Variants in ZNF430 observed in about 807,000 individuals in gnomAD.
ZNF430 encodes the protein zinc finger protein 430.
A neutral mutation model predicts 56.7 loss-of-function variants in ZNF430; 35 were observed. That is an observed-to-expected ratio of 0.62 (90% CI 0.47 to 0.82). ZNF430 has a LOEUF of 0.82. Among genes scored for constraint, ZNF430 ranks in the 40% least tolerant of loss-of-function variants. ZNF430 has a pLI of 0.00. For synonymous variants in ZNF430, 212 were observed against 224.3 expected (o/e 0.94, Z 0.49); for missense variants, 574 against 661.0 (o/e 0.87, Z 1.44).
intron 4 of ZNF430, chr19:21,035,660 T>C (rs1967986040): frequency 4.8e-6 from 1 of 206,380 alleles, no homozygotes; most frequent in Non-Finnish European, 1.0e-5. Context: ...TTTCAGTAGG[T>C]AAAGATCTTT....
intron 4 of ZNF430, among the ~76,000 whole-genome samples, chr19:21,052,108 T>C (rs535843558): frequency 6.6e-6 from 1 of 152,334 alleles, no homozygotes; most frequent in African/African-American, 2.4e-5. Flanking sequence ...AATATCTATA[T>C]AGTTATAAAT....
intron 4 of ZNF430, among the ~76,000 whole-genome samples, chr19:21,048,572 A>G (rs1275307515): frequency 6.6e-6 from 1 of 152,082 alleles, no homozygotes; most frequent in Non-Finnish European, 1.5e-5. Flanking sequence ...GGAGTCTCCT[A>G]TGTCTACTTC....
intron 2 of ZNF430, among the ~76,000 whole-genome samples, chr19:21,027,226 C>T (rs1316250642): frequency 6.6e-6 from 1 of 152,058 alleles, no homozygotes; most frequent in African/African-American, 2.4e-5. Flanking sequence ...TATCTTGTGC[C>T]AGTTTTCAAG....
At chr19:21,030,939 A>G (rs911868969) in intron 2 of ZNF430, among the ~76,000 whole-genome samples, 4 of 152,066 alleles carry the variant, frequency 2.6e-5, no homozygotes, top group Middle Eastern at 3.4e-3. Flanking sequence ...CTGGAGTGCA[A>G]TGGCATAATC....
chr19:21,022,367 A>G (rs1307548982), intron 1 of ZNF430, among the ~76,000 whole-genome samples: 3 of 152,178 alleles, frequency 2.0e-5, no homozygotes, highest in Admixed American at 2.0e-4. Context: ...CCAAATGCCA[A>G]CTTTTCCTAC....
intron 4 of ZNF430, among the ~76,000 whole-genome samples, chr19:21,054,659 A>T (rs1414437976): frequency 3.9e-4 from 44 of 113,764 alleles, no homozygotes; most frequent in Admixed American, 6.2e-4. Flanking sequence ...GAGCTTCTTC[A>T]TTTTTACGTC....
At position 21,036,933 on chromosome 19, in the gene ZNF430, A is replaced by G. The variant is rs532631170; in HGVS notation, c.322+2749A>G. ...ACTCAATACCCATTAAATAACAGCA[A>G]CCCATTTTACCCTCTTTCCAGCCCT... On this transcript the variant is annotated intron_variant, in intron 4 of 4. Coordinates refer to ENST00000261560, the MANE Select transcript of ZNF430 (RefSeq NM_025189.4). 8.6e-4 allele frequency: 131 copies of G among 152,134 alleles called. 1 individual carries two copies. Among genetic ancestry groups the G allele is most frequent in the Admixed American group, 8.5e-3 (130 of 15,262 alleles). The allele number at this position is 152,134 out of a possible 1,614,324, so 9.4% of individuals were successfully genotyped here. A position where few individuals can be genotyped will look rare whatever the true frequency, so the allele number is the denominator to read the frequency against.
chr19:21,046,399 T>C (rs1246663697), intron 4 of ZNF430, among the ~76,000 whole-genome samples: 6 of 152,176 alleles, frequency 3.9e-5, no homozygotes, highest in Admixed American at 3.9e-4. Flanking sequence ...TCTGGTTATT[T>C]TGAAGACTCT....
chr19:21,057,024 G>C lies in ZNF430; in HGVS notation c.716G>C (p.Gly239Ala). The C allele has an allele frequency of 6.2e-7, 1 of 1,614,032 alleles. No homozygotes were observed. The highest frequency in any genetic ancestry group is 8.5e-7 in the Non-Finnish European group (1 of 1,179,982). Residue 239 changes from glycine to alanine, a missense_variant, in exon 5 of 5, where the codon GGT (glycine) becomes GCT (alanine). Around this residue, in one of 3 missense-constraint regions of ZNF430, gnomAD observed 346 missense variants for 399.1 expected, o/e 0.87. Transcript: ENST00000261560. Reference sequence around the variant, plus strand: ...AATTCTTACCAATGTGAAGAATGTGGTAAAGTCTTTAACTGGTTCTCAACC... The same window carrying C: ...AATTCTTACCAATGTGAAGAATGTGCTAAAGTCTTTAACTGGTTCTCAACC... Reference protein sequence around the residue: ...RENSYQCEECGKVFNWFSTLT... With the variant: ...RENSYQCEECAKVFNWFSTLT...
At chr19:21,049,197 A>G (rs1444354888) in intron 4 of ZNF430, among the ~76,000 whole-genome samples, 1 of 148,216 alleles carries the variant, frequency 6.7e-6, no homozygotes, top group Non-Finnish European at 1.5e-5. Context: ...AAAAAAAAAA[A>G]GTAAAAAAGA....
intron 2 of ZNF430, among the ~76,000 whole-genome samples, chr19:21,032,635 G>A (rs1248126598): frequency 6.6e-6 from 1 of 152,104 alleles, no homozygotes; most frequent in Non-Finnish European, 1.5e-5. Flanking sequence ...GTTGAGGCAG[G>A]AGAATTGCTT....
chr19:21,044,629 A>G (rs1164317719), intron 4 of ZNF430, among the ~76,000 whole-genome samples: 2 of 152,122 alleles, frequency 1.3e-5, no homozygotes, highest in African/African-American at 2.4e-5. Flanking sequence ...CTCTTTTTCT[A>G]TCATTTGGAA....
In ZNF430 at chr19:21,025,947, C is replaced by T. The variant is rs1383047372; in HGVS notation, c.96+3066C>T. On this transcript the variant is annotated intron_variant, in intron 2 of 4. Coordinates refer to ENST00000261560, the MANE Select transcript of ZNF430 (RefSeq NM_025189.4). ...AGACTGAAGTTTCTGTCATTGAGAA[C>T]AGAGTGATCCATAAACCTGGTCATC... 2.2e-5 allele frequency: 9 copies of T among 417,896 alleles called. No homozygotes were observed. The Admixed American group carries it at 2.9e-4, about 14-fold the overall frequency. 25.9% of individuals were successfully genotyped at this position (417,896 alleles called of 1,614,324 possible).
At chr19:21,046,916 C>A (rs1354234392) in intron 4 of ZNF430, among the ~76,000 whole-genome samples, 2 of 152,046 alleles carry the variant, frequency 1.3e-5, no homozygotes, top group African/African-American at 4.8e-5. Flanking sequence ...TGGATGATAT[C>A]CTGAAGGATG....
chr19:21,045,639 C>T (rs1405073052), intron 4 of ZNF430, among the ~76,000 whole-genome samples: 2 of 152,146 alleles, frequency 1.3e-5, no homozygotes, highest in Non-Finnish European at 2.9e-5. Flanking sequence ...TTTTCTGTCT[C>T]AATTGTTGGT....
At chr19:21,041,622 C>T (rs532053867) in intron 4 of ZNF430, among the ~76,000 whole-genome samples, 2 of 152,270 alleles carry the variant, frequency 1.3e-5, no homozygotes, top group Admixed American at 1.3e-4. Context: ...AGGTGTGAAG[C>T]CCTGCATGCA....
chr19:21,033,206 T>C (rs962718456), intron 2 of ZNF430, among the ~76,000 whole-genome samples: 1 of 151,708 alleles, frequency 6.6e-6, no homozygotes, highest in Non-Finnish European at 1.5e-5. Flanking sequence ...AATACAAAAT[T>C]AGCCGAATGT....
intron 2 of ZNF430, among the ~76,000 whole-genome samples, chr19:21,023,266 T>C (rs944700631): frequency 3.9e-5 from 6 of 152,180 alleles, no homozygotes; most frequent in African/African-American, 1.2e-4. Context: ...TTTGAAGTGA[T>C]TGAATGGCCT....
At chr19:21,043,052 C>T (rs1047207657) in intron 4 of ZNF430, among the ~76,000 whole-genome samples, 13 of 17,984 alleles carry the variant, frequency 7.2e-4, no homozygotes, top group African/African-American at 3.4e-3. Context: ...CAAAAATGTT[C>T]TCCGATTCTT....
Sources: gnomAD v4.1 joint callset for allele counts (sites outside exome capture counted in the v4.1 genomes callset) on GRCh38, gnomAD v4.1.1 for gene constraint, gnomAD v4.1.1 regional missense constraint, MANE v1.5 for transcripts, NCBI Gene and HGNC (gene_info 2026-07-23, HGNC 2026-07-21) for gene names.